The following ZNF280D variants were observed in gnomAD, a reference collection of about 807,000 sequenced individuals.
The protein encoded by ZNF280D is zinc finger protein 280D, also known as suppressor of hairy wing homolog 4.
In ZNF280D, 39 loss-of-function variants were observed where a neutral mutation model predicts 94.7. That is an observed-to-expected ratio of 0.41 (90% CI 0.32 to 0.54). The LOEUF (loss-of-function observed/expected upper bound fraction) is 0.54. ZNF280D is among the 20% of genes least tolerant of loss of function. The pLI is 0.22. For synonymous variants in ZNF280D, 398 were observed against 377.6 expected (o/e 1.05, Z -0.63); for missense variants, 1,090 against 1,149.3 (o/e 0.95, Z 0.75).
chr15:56,674,075 G>A (rs900864199), intron 13 of ZNF280D, among the ~76,000 whole-genome samples: 3 of 152,010 alleles, frequency 2.0e-5, no homozygotes, highest in African/African-American at 7.2e-5. Context: ...AATGCTATAT[G>A]ATACCTAAAG....
intron 17 of ZNF280D, among the ~76,000 whole-genome samples, chr15:56,657,422 C>G (rs560809469): frequency 6.6e-6 from 1 of 152,158 alleles, no homozygotes; most frequent in African/African-American, 2.4e-5. Context: ...GCTTAGCTAT[C>G]TTTTTAATAT....
intron 17 of ZNF280D, chr15:56,654,810 G>A: frequency 2.1e-6 from 1 of 480,696 alleles, no homozygotes; most frequent in South Asian, 1.5e-5. Flanking sequence ...GTGTAACTTA[G>A]GCAAGTCACA....
chr15:56,720,554 T>G (rs1416664954), intron 1 of ZNF280D, among the ~76,000 whole-genome samples: 3 of 152,168 alleles, frequency 2.0e-5, no homozygotes, highest in Non-Finnish European at 4.4e-5. Flanking sequence ...GGTGACTCCT[T>G]TCCAGAAGGT....
Position 56,631,995 on chromosome 15 carries a change from C to G in ZNF280D, c.2443G>C (p.Ala815Pro). 1 of 1,613,984 alleles carries G rather than the reference C, an allele frequency of 6.2e-7. No individual in the cohort carries two copies. The highest frequency in any genetic ancestry group is 8.5e-7 in the Non-Finnish European group (1 of 1,180,000). ...VSDKENETCL[A>P]DQETGSKNIV... ...TTTTTTGAGCCAGTTTCCTGGTCTG[C>G]AAGACAGGTTTCATTTTCCTTATCT... Residue 815 changes from alanine (A) to proline (P), a missense_variant, in exon 22 of 22, where the codon GCA (alanine) becomes CCA (proline). Ala to Pro is a conservative substitution (Grantham distance 27). Around this residue, in one of 3 missense-constraint regions of ZNF280D, gnomAD observed 577 missense variants for 568.8 expected, o/e 1.01. Transcript: ENST00000267807.
At chr15:56,704,932 G>C (rs1333899706) in intron 3 of ZNF280D, among the ~76,000 whole-genome samples, 1 of 152,030 alleles carries the variant, frequency 6.6e-6, no homozygotes, top group Non-Finnish European at 1.5e-5. Flanking sequence ...GCAGTGAGCT[G>C]AGATCATGCC....
At chr15:56,659,378 C>G (rs866642500) in intron 16 of ZNF280D, among the ~76,000 whole-genome samples, 2 of 151,834 alleles carry the variant, frequency 1.3e-5, no homozygotes, top group South Asian at 4.2e-4. Context: ...TACAGTTGTC[C>G]CTCCTCACCA....
intron 1 of ZNF280D, among the ~76,000 whole-genome samples, chr15:56,732,039 G>A (rs117989361): frequency 0.02 from 3,014 of 152,250 alleles, 39 homozygotes; most frequent in Non-Finnish European, 0.03. Context: ...AAGGGCAACT[G>A]AGTAATGTTT....
chr15:56,720,072 C>T (rs1185698888), intron 1 of ZNF280D, among the ~76,000 whole-genome samples: 1 of 151,964 alleles, frequency 6.6e-6, no homozygotes, highest in Non-Finnish European at 1.5e-5. Context: ...GCACATCCAT[C>T]GACTTTTCCT....
chr15:56,731,726 T>A (rs2058901138), intron 1 of ZNF280D, among the ~76,000 whole-genome samples: 1 of 152,152 alleles, frequency 6.6e-6, no homozygotes, highest in African/African-American at 2.4e-5. Context: ...TAATGCACTT[T>A]GAAACGTTCA....
At chr15:56,670,737 G>C (rs549348668) in intron 13 of ZNF280D, among the ~76,000 whole-genome samples, 2 of 152,106 alleles carry the variant, frequency 1.3e-5, no homozygotes, top group Non-Finnish European at 2.9e-5. Context: ...TGCTATTTCT[G>C]TCTCTAGGTC....
At chr15:56,632,814 ATG>A (rs1566922391) in intron 21 of ZNF280D, among the ~76,000 whole-genome samples, 1 of 152,122 alleles carries the variant, frequency 6.6e-6, no homozygotes, top group Non-Finnish European at 1.5e-5. Flanking sequence ...ATAGCTTCTT[ATG>A]TTTAGAATGT....
chr15:56,677,994 T>A (rs1382956332), intron 11 of ZNF280D, among the ~76,000 whole-genome samples: 6 of 151,634 alleles, frequency 4.0e-5, no homozygotes, highest in Non-Finnish European at 8.8e-5. Flanking sequence ...CTCCAACATC[T>A]GTAATTTTCT....
At chr15:56,694,029 G>T (rs752902293) in intron 6 of ZNF280D, among the ~76,000 whole-genome samples, 3 of 151,960 alleles carry the variant, frequency 2.0e-5, no homozygotes, top group Non-Finnish European at 4.4e-5. Flanking sequence ...GAATAATTGG[G>T]GCCAGCTGTC....
At chr15:56,642,409 A>G (rs1250406099) in intron 20 of ZNF280D, among the ~76,000 whole-genome samples, 1 of 151,816 alleles carries the variant, frequency 6.6e-6, no homozygotes, top group Non-Finnish European at 1.5e-5. Context: ...ATCAACATAA[A>G]TTGACATCAA....
At position 56,701,090 on chromosome 15, in the gene ZNF280D, A is replaced by G. The variant is rs1008179250; in HGVS notation, c.242-18T>C. On this transcript the variant is annotated intron_variant, in intron 5 of 21. Coordinates refer to ENST00000267807, the MANE Select transcript of ZNF280D (RefSeq NM_017661.4). ...AGTAATACCTGTATTTTAAAGTAAC[A>G]CAATATATGGAAATTATTTGTACAT... The G allele has an allele frequency of 6.2e-7, 1 of 1,613,182 alleles. No individual in the cohort carries two copies. Among genetic ancestry groups the G allele is most frequent in the Non-Finnish European group, 8.5e-7 (1 of 1,179,464 alleles).
intron 9 of ZNF280D, among the ~76,000 whole-genome samples, chr15:56,685,341 AAAAACAAAAC>A (rs10633210): frequency 2.0e-5 from 3 of 150,324 alleles, no homozygotes; most frequent in Admixed American, 6.6e-5. Flanking sequence ...CATAAGGTAA[AAAAACAAAAC>A]AAAACAAAAC....
Position 56,731,506 on chromosome 15 carries a change from CAAAAAAAAAAA to C in ZNF280D, c.-86+1941_-86+1951del, listed in dbSNP as rs752976383. ...TGGGACACAGAGCAAGTACCTATCTCAAAAAAAAAAAAAAAAAAAAAAGACTGAAAAGGAAT... is the reference window on the plus strand; with the variant it reads ...TGGGACACAGAGCAAGTACCTATCTCAAAAAAAAAAAGACTGAAAAGGAAT... On this transcript the variant is annotated intron_variant, in intron 1 of 21. Transcript: ENST00000267807. 6.4e-3 allele frequency among the ~76,000 whole-genome samples: 520 copies of C among 80,882 alleles called. 4 individuals are homozygous for C. The highest frequency in any genetic ancestry group is 0.024 in the African/African-American group (499 of 20,566). 53.1% of individuals were successfully genotyped at this position (80,882 alleles called of 152,430 possible).
chr15:56,686,273 G>A (rs79284144), intron 9 of ZNF280D, among the ~76,000 whole-genome samples: 1,791 of 152,240 alleles, frequency 0.012, 34 homozygotes, highest in African/African-American at 0.041. Flanking sequence ...CAAGCAGTGG[G>A]ACTACAGGCG....
Position 56,707,119 on chromosome 15 carries a change from G to A in ZNF280D, c.-10C>T. On this transcript the variant is annotated 5_prime_UTR_variant, in exon 3 of 22. Coordinates refer to ENST00000267807, the MANE Select transcript of ZNF280D (RefSeq NM_017661.4). ...AAGGGTTGTCGCCCATCAAGCTGCAGAGATGACTTTCTGTAAATTGTCACC... is the reference window on the plus strand; with the variant it reads ...AAGGGTTGTCGCCCATCAAGCTGCAAAGATGACTTTCTGTAAATTGTCACC... 4 of 1,613,876 alleles carry A rather than the reference G, an allele frequency of 2.5e-6. No homozygotes were observed. The highest frequency in any genetic ancestry group is 3.4e-6 in the Non-Finnish European group (4 of 1,179,918).
Sources: gnomAD v4.1 joint callset for allele counts (sites outside exome capture counted in the v4.1 genomes callset) on GRCh38, gnomAD v4.1.1 for gene constraint, gnomAD v4.1.1 regional missense constraint, MANE v1.5 for transcripts, NCBI Gene and HGNC (gene_info 2026-07-23, HGNC 2026-07-21) for gene names.